Variants in CD86 observed in about 807,000 individuals in gnomAD.
CD86 encodes CD86 molecule, also known as T-lymphocyte activation antigen CD86.
Under a neutral mutation model 32.1 loss-of-function variants are expected in CD86, and 11 were observed. The ratio of observed to expected loss-of-function variants is 0.34; its 90% CI spans 0.22 to 0.57. The LOEUF (loss-of-function observed/expected upper bound fraction) is 0.57, where lower values mean the gene tolerates loss of function less well. CD86 is among the 20% of genes least tolerant of loss of function. The probability of loss-of-function intolerance (pLI) is 0.86; values close to 1 mark genes in which losing one functional copy is unlikely to be tolerated. For missense variants in CD86, 359 were observed against 398.4 expected (o/e 0.90, Z 0.84); for synonymous variants, 137 against 135.3 (o/e 1.01, Z -0.09).
chr3:122,068,339 C>T (rs1189183322), intron 1 of CD86, among the ~76,000 whole-genome samples: 2 of 151,986 alleles, frequency 1.3e-5, no homozygotes, highest in Non-Finnish European at 2.9e-5. Flanking sequence ...TATCCCTTCC[C>T]CTGCACACAT....
At chr3:122,102,119 G>A (rs187989712) in intron 2 of CD86, among the ~76,000 whole-genome samples, 1 of 152,224 alleles carries the variant, frequency 6.6e-6, no homozygotes, top group East Asian at 1.9e-4. Flanking sequence ...TTTGACAAGT[G>A]CATGTCACTG....
intron 1 of CD86, among the ~76,000 whole-genome samples, chr3:122,058,080 A>C (rs921750345): frequency 5.9e-5 from 9 of 152,216 alleles, no homozygotes; most frequent in South Asian, 4.1e-4. Context: ...TTTTAATGAG[A>C]TAATCCATAT....
intron 4 of CD86, among the ~76,000 whole-genome samples, chr3:122,107,796 G>A (rs536629362): frequency 6.6e-6 from 1 of 152,250 alleles, no homozygotes; most frequent in East Asian, 1.9e-4. Flanking sequence ...ACAGCCCACG[G>A]GGCCAGTCCC....
intron 1 of CD86, among the ~76,000 whole-genome samples, chr3:122,089,415 G>T (rs1025048466): frequency 1.3e-5 from 2 of 152,148 alleles, no homozygotes; most frequent in African/African-American, 2.4e-5. Context: ...TAGAAAACAC[G>T]TTGGCAAAAG....
intron 2 of CD86, among the ~76,000 whole-genome samples, chr3:122,095,439 C>A (rs1322553268): frequency 1.3e-5 from 2 of 152,282 alleles, no homozygotes; most frequent in Admixed American, 1.3e-4. Flanking sequence ...CCTCGACCTC[C>A]CAAAGTGCTG....
chr3:122,103,346 C>T (rs1576781788), intron 2 of CD86, among the ~76,000 whole-genome samples, 166 bp from the exon 3 acceptor site: 1 of 152,140 alleles, frequency 6.6e-6, no homozygotes, highest in Non-Finnish European at 1.5e-5. Flanking sequence ...GACAAAGGTC[C>T]TAATCTCCAG....
intron 1 of CD86, among the ~76,000 whole-genome samples, chr3:122,059,824 G>C (rs2072300344): frequency 6.6e-6 from 1 of 152,096 alleles, no homozygotes; most frequent in Admixed American, 6.5e-5. Context: ...CCTAATCCAA[G>C]ACAATTGTTG....
At chr3:122,086,275 A>C (rs1452327092) in intron 1 of CD86, among the ~76,000 whole-genome samples, 1 of 151,968 alleles carries the variant, frequency 6.6e-6, no homozygotes, top group African/African-American at 2.4e-5. Flanking sequence ...TCCGGTTACC[A>C]CTAACATTCT....
Position 122,086,305 on chromosome 3 carries a change from G to A in CD86, c.15-5296G>A, listed in dbSNP as rs372796376. 6.0e-4 allele frequency among the ~76,000 whole-genome samples: 92 copies of A among 152,236 alleles called. 1 individual carries two copies. The South Asian group carries it at 0.017, about 29-fold the overall frequency. ...CATTCTACACAAAGTTGTGAAATAA[G>A]TCTTTTTCTTTGTTGCTCTCCAACA... On this transcript the variant is annotated intron_variant, in intron 1 of 6. Coordinates refer to ENST00000330540, the MANE Select transcript of CD86 (RefSeq NM_175862.5).
chr3:122,115,235 GA>G (rs1441968290), intron 5 of CD86, among the ~76,000 whole-genome samples: 1 of 151,816 alleles, frequency 6.6e-6, no homozygotes, highest in African/African-American at 2.4e-5. Flanking sequence ...ATTGTACATT[GA>G]AAAAAATTAA....
At chr3:122,057,206 C>A (rs2072250707) in intron 1 of CD86, among the ~76,000 whole-genome samples, 1 of 152,118 alleles carries the variant, frequency 6.6e-6, no homozygotes, top group South Asian at 2.1e-4. Context: ...TATCAAAAGC[C>A]TTTAAAATGT....
chr3:122,091,525 A>C, intron 1 of CD86, 76 bp from the exon 2 acceptor site: 1 of 1,155,426 alleles, frequency 8.7e-7, no homozygotes, highest in African/African-American at 1.5e-5. Flanking sequence ...CTCCACGTCC[A>C]GGTCATGTTT....
At chr3:122,081,538 G>A (rs2072634050) in intron 1 of CD86, among the ~76,000 whole-genome samples, 1 of 152,212 alleles carries the variant, frequency 6.6e-6, no homozygotes, top group Non-Finnish European at 1.5e-5. Context: ...AGCTTGCAAA[G>A]CCTTTCAAGG....
At chr3:122,085,890 A>T (rs1385763878) in intron 1 of CD86, among the ~76,000 whole-genome samples, 3 of 152,176 alleles carry the variant, frequency 2.0e-5, no homozygotes, top group Non-Finnish European at 4.4e-5. Context: ...TTATCCAACC[A>T]CAAGTATGAA....
At chr3:122,095,718 T>C (rs908886695) in intron 2 of CD86, among the ~76,000 whole-genome samples, 2 of 152,284 alleles carry the variant, frequency 1.3e-5, no homozygotes, top group African/African-American at 2.4e-5. Flanking sequence ...TTCACCCCTT[T>C]ATGTTAAGCC....
At chr3:122,117,897 GA>G in intron 5 of CD86, 150 bp from the exon 6 acceptor site, 1 of 653,626 alleles carries the variant, frequency 1.5e-6, no homozygotes, top group African/African-American at 1.8e-5. Flanking sequence ...CAATCCCCCT[GA>G]AATTGCATCA....
At chr3:122,106,541 A>T in intron 4 of CD86, 41 bp downstream of exon 4, 3 of 1,514,500 alleles carry the variant, frequency 2.0e-6, no homozygotes, top group Non-Finnish European at 2.7e-6. Context: ...AGCAGGTATT[A>T]TACACAAATG....
At chr3:122,118,158 A>G in intron 6 of CD86, 65 bp downstream of exon 6, 1 of 1,340,624 alleles carries the variant, frequency 7.5e-7, no homozygotes, top group Non-Finnish European at 1.1e-6. Flanking sequence ...TGTTACTTGA[A>G]TAGGCTTATG....
chr3:122,061,739 G>T lies in CD86; in HGVS notation c.14+6236G>T, dbSNP rs751596208. Among the ~76,000 whole-genome samples, 7 of 152,314 alleles carry T rather than the reference G, an allele frequency of 4.6e-5. No homozygotes were observed. The South Asian group carries it at 6.2e-4, about 14-fold the overall frequency. On this transcript the variant is annotated intron_variant, in intron 1 of 6. Coordinates refer to ENST00000330540, the MANE Select transcript of CD86 (RefSeq NM_175862.5). ...AAACTGGATCATGCATACATTGCTT[G>T]TTGGGAATGTACAATGGTCAAGCCA...
Sources: gnomAD v4.1 joint callset for allele counts (sites outside exome capture counted in the v4.1 genomes callset) on GRCh38, gnomAD v4.1.1 for gene constraint, MANE v1.5 for transcripts, NCBI Gene and HGNC (gene_info 2026-07-23, HGNC 2026-07-21) for gene names.